The following COPG2 variants were observed in gnomAD, a reference collection of about 807,000 sequenced individuals.
The protein encoded by COPG2 is coat protein complex I subunit gamma 2, also known as coatomer subunit gamma-2.
COPG2 carries 37 observed loss-of-function variants against 46.3 expected under a neutral mutation model. The ratio of observed to expected loss-of-function variants is 0.80; its 90% CI spans 0.61 to 1.05. The LOEUF (loss-of-function observed/expected upper bound fraction) is 1.05, where lower values mean the gene tolerates loss of function less well. COPG2 is among the 50% of genes least tolerant of loss of function. The pLI, the probability that COPG2 is intolerant of heterozygous loss-of-function variation, is 0.00. For missense variants in COPG2, 427 were observed against 387.8 expected (o/e 1.10, Z -0.85); for synonymous variants, 159 against 129.7 (o/e 1.23, Z -1.53).
intron 5 of COPG2, chr7:130,645,548 G>A: frequency 5.0e-6 from 1 of 199,414 alleles, no homozygotes; most frequent in Admixed American, 6.0e-5. Context: ...CACTGCCTTG[G>A]AGGTGAAGCC....
At chr7:130,606,230 A>T (rs529745441) in intron 9 of COPG2, among the ~76,000 whole-genome samples, 42 of 146,254 alleles carry the variant, frequency 2.9e-4, no homozygotes, top group East Asian at 2.0e-4. Flanking sequence ...TAAAATAAAT[A>T]AAAAAAAGAA....
At chr7:130,528,833 C>T (rs1025890201) in intron 20 of COPG2, among the ~76,000 whole-genome samples, 5 of 151,918 alleles carry the variant, frequency 3.3e-5, no homozygotes, top group South Asian at 2.1e-4. Context: ...GCATGCCAGG[C>T]GCCAAGAGGG....
intron 14 of COPG2, 52 bp from the exon 15 acceptor site, chr7:130,552,482 A>T (rs1246182174): frequency 2.5e-6 from 1 of 397,970 alleles, no homozygotes; most frequent in African/African-American, 2.1e-5. Context: ...CTCAGAGTTA[A>T]CCAATAACCA....
intron 20 of COPG2, among the ~76,000 whole-genome samples, chr7:130,531,862 G>A (rs1584964896): frequency 1.3e-5 from 2 of 152,056 alleles, no homozygotes; most frequent in South Asian, 2.1e-4. Context: ...TCACCCGAGG[G>A]AGGGCTGGGG....
At chr7:130,557,978 C>T (rs1336026922) in intron 12 of COPG2, among the ~76,000 whole-genome samples, 2 of 151,812 alleles carry the variant, frequency 1.3e-5, no homozygotes, top group East Asian at 1.9e-4. Flanking sequence ...AGAAAAGACA[C>T]TCCAGAAACA....
intron 20 of COPG2, among the ~76,000 whole-genome samples, chr7:130,524,268 G>A (rs949464744): frequency 3.8e-4 from 58 of 152,120 alleles, no homozygotes; most frequent in African/African-American, 1.3e-3. Context: ...CAGCGGGTGC[G>A]GGGCCAGGTC....
chr7:130,666,948 A>G lies in COPG2; in HGVS notation c.91-19T>C. The G allele has an allele frequency of 7.3e-7, 1 of 1,361,446 alleles. No homozygotes were observed. The highest frequency in any genetic ancestry group is 1.0e-6 in the Non-Finnish European group (1 of 978,496). The allele number at this position is 1,361,446 out of a possible 1,614,324, so 84.3% of individuals were successfully genotyped here. On this transcript the variant is annotated intron_variant, in intron 2 of 23. Transcript: ENST00000425248. Reference sequence around the variant, plus strand: ...TACGAGCCTATGAAAAAACATAAAAAACATTGCTACTTTTCTACCTTTTCT... The same window carrying G: ...TACGAGCCTATGAAAAAACATAAAAGACATTGCTACTTTTCTACCTTTTCT...
rs1300046671 is a variant in COPG2, at chr7:130,548,155, A to G, written c.1977+248T>C. 3.9e-5 allele frequency among the ~76,000 whole-genome samples: 6 copies of G among 152,338 alleles called. No homozygotes were observed. The East Asian group carries it at 7.7e-4, about 20-fold the overall frequency. ...CCCTGATGTTAAATGCTGATTTTAG[A>G]AAATTGGTTATACTTTATGTTGTCC... On this transcript the variant is annotated intron_variant, in intron 19 of 23. Coordinates refer to ENST00000425248, the MANE Select transcript of COPG2 (RefSeq NM_012133.6).
intron 9 of COPG2, among the ~76,000 whole-genome samples, chr7:130,593,450 C>T (rs1554449295): frequency 6.6e-6 from 1 of 152,074 alleles, no homozygotes; most frequent in Non-Finnish European, 1.5e-5. Flanking sequence ...AGTAATGATG[C>T]AAAACAAGAG....
At chr7:130,558,205 C>T (rs1206984981) in intron 12 of COPG2, among the ~76,000 whole-genome samples, 9 of 152,022 alleles carry the variant, frequency 5.9e-5, no homozygotes, top group Admixed American at 5.2e-4. Flanking sequence ...GAATTGTAAT[C>T]GCCAGTGTTG....
intron 9 of COPG2, among the ~76,000 whole-genome samples, chr7:130,571,668 C>T (rs1213972954): frequency 6.6e-6 from 1 of 152,060 alleles, no homozygotes; most frequent in Non-Finnish European, 1.5e-5. Flanking sequence ...AGTAGATCTA[C>T]CATTATCCAG....
intron 4 of COPG2, among the ~76,000 whole-genome samples, chr7:130,655,226 G>C (rs782707155): frequency 3.3e-5 from 5 of 152,042 alleles, no homozygotes; most frequent in Non-Finnish European, 7.4e-5. Flanking sequence ...TCTGTCGTGA[G>C]GGAAGGTTAA....
intron 9 of COPG2, among the ~76,000 whole-genome samples, chr7:130,585,733 G>A (rs952792609): frequency 7.2e-5 from 11 of 152,030 alleles, no homozygotes; most frequent in African/African-American, 2.2e-4. Context: ...CATCACTAAT[G>A]ATCAGGGAAA....
chr7:130,563,345 A>AT lies in COPG2; in HGVS notation c.872-10_872-9insA. 1 of 396,966 alleles carries AT rather than the reference A, an allele frequency of 2.5e-6. No individual in the cohort carries two copies. The highest frequency in any genetic ancestry group is 4.4e-6 in the Non-Finnish European group (1 of 225,342). The allele number at this position is 396,966 out of a possible 1,614,324, so 24.6% of individuals were successfully genotyped here. On this transcript the variant is annotated splice_polypyrimidine_tract_variant and intron_variant, in intron 10 of 23. Coordinates refer to ENST00000425248, the MANE Select transcript of COPG2 (RefSeq NM_012133.6). Reference sequence around the variant, plus strand: ...ACAGAAAAGTTGAAGAACTAAAAAAAAATAATAATAATAATATGTAACATT... The same window carrying AT: ...ACAGAAAAGTTGAAGAACTAAAAAAATAATAATAATAATAATATGTAACATT...
At chr7:130,608,187 T>G in intron 9 of COPG2, 1 of 455,466 alleles carries the variant, frequency 2.2e-6, no homozygotes. Flanking sequence ...TATCACAGTG[T>G]ATCATCAAAT....
chr7:130,510,036 T>G (rs932995965), intron 20 of COPG2: 1 of 514,388 alleles, frequency 1.9e-6, no homozygotes, highest in South Asian at 1.4e-5. Context: ...ATAATTTGTT[T>G]AGGAATAAAT....
intron 9 of COPG2, chr7:130,605,300 A>T: frequency 1.9e-6 from 1 of 516,700 alleles, no homozygotes; most frequent in Admixed American, 2.0e-5. Context: ...GCTGGGGCAG[A>T]ATGGCTCCCC....
chr7:130,603,811 G>T (rs1329154517), intron 9 of COPG2: 1 of 518,798 alleles, frequency 1.9e-6, no homozygotes, highest in Non-Finnish European at 3.9e-6. Context: ...AACAACATGG[G>T]GTTAACAGTG....
At chr7:130,545,170 TATTTCATTTCATTTC>T (rs1221165104) in intron 20 of COPG2, among the ~76,000 whole-genome samples, 19,797 of 149,982 alleles carry the variant, frequency 0.13, 2,250 homozygotes, top group African/African-American at 0.31. Flanking sequence ...ACTTACCTAT[TATTTCATTTCATTTC>T]ATTTCATTTC....
Sources: allele counts gnomAD v4.1 joint callset (sites outside exome capture counted in the v4.1 genomes callset), GRCh38; gene constraint gnomAD v4.1.1; transcripts MANE v1.5; gene names NCBI Gene and HGNC (gene_info 2026-07-23, HGNC 2026-07-21).